The following WWOX variants were observed in gnomAD, a reference collection of about 807,000 sequenced individuals.
WWOX encodes WW domain containing oxidoreductase, also known as WW domain-containing oxidoreductase.
A neutral mutation model predicts 46.2 loss-of-function variants in WWOX; 69 were observed. The observed-to-expected ratio is 1.49, with a 90% CI of 1.23 to 1.82. The LOEUF (loss-of-function observed/expected upper bound fraction) is 1.82. Ranked by LOEUF, WWOX falls within the 40% of genes most tolerant of loss-of-function variation. WWOX has a pLI of 0.00. For missense variants in WWOX, 919 were observed against 542.6 expected, an observed-to-expected ratio of 1.69 and a Z score of -6.89; for synonymous variants, 359 against 202.6, an observed-to-expected ratio of 1.77 and a Z score of -6.56.
chr16:78,533,159 GAAGCTCCTGA>G (rs151155780), intron 8 of WWOX, among the ~76,000 whole-genome samples: 2,032 of 152,258 alleles, frequency 0.013, 57 homozygotes, highest in African/African-American at 0.046. Context: ...GGAGCTCAAG[GAAGCTCCTGA>G]GGCTATCTTT....
intron 8 of WWOX, among the ~76,000 whole-genome samples, chr16:78,481,758 T>TGC (rs1947735493): frequency 6.7e-6 from 1 of 148,550 alleles, no homozygotes; most frequent in African/African-American, 2.6e-5. Context: ...TGTGTGTGTG[T>TGC]GTGTGTGCGC....
At chr16:78,962,774 G>A (rs571980796) in intron 8 of WWOX, among the ~76,000 whole-genome samples, 2 of 152,268 alleles carry the variant, frequency 1.3e-5, no homozygotes, top group African/African-American at 4.8e-5. Flanking sequence ...TAACACCTCA[G>A]AAGGCTCATC....
chr16:78,289,354 T>C (rs568130220), intron 5 of WWOX, among the ~76,000 whole-genome samples: 1 of 152,286 alleles, frequency 6.6e-6, no homozygotes, highest in East Asian at 1.9e-4. Flanking sequence ...AGTGGTTTAG[T>C]AGAGCTCGAA....
chr16:78,245,681 T>G (rs1303689966), intron 5 of WWOX, among the ~76,000 whole-genome samples: 1 of 152,206 alleles, frequency 6.6e-6, no homozygotes, highest in African/African-American at 2.4e-5. Context: ...GGAGTGGGGA[T>G]TTGTCATCCC....
intron 8 of WWOX, among the ~76,000 whole-genome samples, chr16:78,851,891 AATTTC>A (rs895574379): frequency 6.6e-6 from 1 of 152,176 alleles, no homozygotes; most frequent in African/African-American, 2.4e-5. Flanking sequence ...TTTATGAAAT[AATTTC>A]ATTTAAACCC....
At chr16:78,733,551 G>A (rs531113437) in intron 8 of WWOX, among the ~76,000 whole-genome samples, 26 of 151,256 alleles carry the variant, frequency 1.7e-4, no homozygotes, top group African/African-American at 4.9e-4. Flanking sequence ...ATCGAGACCA[G>A]CCTGGCCAAC....
At chr16:78,531,894 A>G (rs1003528249) in intron 8 of WWOX, among the ~76,000 whole-genome samples, 2 of 152,134 alleles carry the variant, frequency 1.3e-5, no homozygotes, top group African/African-American at 2.4e-5. Flanking sequence ...AAAATTGTTT[A>G]AACCTGCCAA....
intron 8 of WWOX, among the ~76,000 whole-genome samples, chr16:79,183,947 C>T (rs557360085): frequency 8.7e-4 from 133 of 152,308 alleles, no homozygotes; most frequent in African/African-American, 2.8e-3. Context: ...GAAGAAAACA[C>T]GCTTTGGTGT....
intron 8 of WWOX, among the ~76,000 whole-genome samples, chr16:78,660,783 C>T (rs749726351): frequency 1.3e-5 from 2 of 152,152 alleles, no homozygotes; most frequent in Non-Finnish European, 2.9e-5. Flanking sequence ...ATGCATTTAG[C>T]ATCAGTTGCA....
chr16:78,787,376 A>T (rs749236120), intron 8 of WWOX, among the ~76,000 whole-genome samples: 4 of 152,036 alleles, frequency 2.6e-5, no homozygotes, highest in Non-Finnish European at 5.9e-5. Context: ...GTGTCTCTAT[A>T]GATTTGACTA....
intron 8 of WWOX, among the ~76,000 whole-genome samples, chr16:78,527,693 T>G: frequency 7.2e-6 from 1 of 138,604 alleles, no homozygotes; most frequent in Non-Finnish European, 1.6e-5. Flanking sequence ...TAATGTATGT[T>G]GTTACATTTA....
intron 8 of WWOX, among the ~76,000 whole-genome samples, chr16:79,072,572 G>T (rs993712962): frequency 6.6e-6 from 1 of 152,168 alleles, no homozygotes; most frequent in South Asian, 2.1e-4. Context: ...TGCAGTTGAC[G>T]TTTTTATTTA....
At chr16:79,122,156 C>G (rs889899363) in intron 8 of WWOX, among the ~76,000 whole-genome samples, 1 of 152,152 alleles carries the variant, frequency 6.6e-6, no homozygotes, top group African/African-American at 2.4e-5. Context: ...AGCTGTTTCT[C>G]AAATCATCCG....
intron 8 of WWOX, among the ~76,000 whole-genome samples, chr16:79,175,206 A>G (rs779019793): frequency 6.6e-6 from 1 of 152,218 alleles, no homozygotes; most frequent in Non-Finnish European, 1.5e-5. Context: ...AGTTGCTTGA[A>G]TTGAACGAAG....
At chr16:78,995,165 A>G (rs1459373134) in intron 8 of WWOX, among the ~76,000 whole-genome samples, 2 of 151,916 alleles carry the variant, frequency 1.3e-5, no homozygotes, top group Non-Finnish European at 2.9e-5. Flanking sequence ...GGGAAGTAGC[A>G]AAAGTATCTT....
At chr16:79,006,806 C>T (rs904066625) in intron 8 of WWOX, among the ~76,000 whole-genome samples, 6 of 152,156 alleles carry the variant, frequency 3.9e-5, no homozygotes, top group African/African-American at 1.4e-4. Context: ...TCAAAGCCAA[C>T]AGCACCTGGC....
intron 5 of WWOX, among the ~76,000 whole-genome samples, chr16:78,215,340 C>T (rs7200742): frequency 0.15 from 22,688 of 152,180 alleles, 2,246 homozygotes; most frequent in Non-Finnish European, 0.23. Context: ...TCCCTACGTG[C>T]CAGGTAGGGA....
intron 5 of WWOX, among the ~76,000 whole-genome samples, chr16:78,223,417 T>A (rs956746854): frequency 3.9e-5 from 6 of 152,114 alleles, no homozygotes; most frequent in Non-Finnish European, 7.3e-5. Context: ...TTTTCAACCT[T>A]GAAGCACTAA....
chr16:78,514,005 G>A (rs933808199), intron 8 of WWOX, among the ~76,000 whole-genome samples: 5 of 151,428 alleles, frequency 3.3e-5, no homozygotes, highest in South Asian at 2.1e-4. Context: ...ACAGTGTTGC[G>A]AAAGAATAGT....
Sources: allele counts gnomAD v4.1 joint callset (sites outside exome capture counted in the v4.1 genomes callset), GRCh38; gene constraint gnomAD v4.1.1; transcripts MANE v1.5; gene names NCBI Gene and HGNC (gene_info 2026-07-23, HGNC 2026-07-21).